The following RBFOX1 variants were observed in gnomAD, a reference collection of about 807,000 sequenced individuals.
RBFOX1 encodes RNA binding fox-1 homolog 1, also known as RNA binding protein fox-1 homolog 1.
Under a neutral mutation model 57.7 loss-of-function variants are expected in RBFOX1, and 8 were observed. The observed-to-expected ratio is 0.14, with a 90% CI of 0.08 to 0.25. The LOEUF is 0.25. RBFOX1 is among the 10% of genes least tolerant of loss of function. The probability of loss-of-function intolerance (pLI) is 1.00; values close to 1 mark genes in which losing one functional copy is unlikely to be tolerated. For synonymous variants in RBFOX1, 326 were observed against 222.4 expected (o/e 1.47, Z -4.15); for missense variants, 611 against 548.5 (o/e 1.11, Z -1.14).
At chr16:5,669,046 C>T (rs553445912) in intron 3 of RBFOX1, among the ~76,000 whole-genome samples, 16 of 152,226 alleles carry the variant, frequency 1.1e-4, no homozygotes, top group South Asian at 8.3e-4. Flanking sequence ...GTCTGAGCAC[C>T]CACATAATGG....
At chr16:7,417,596 C>G (rs994980152) in intron 4 of RBFOX1, among the ~76,000 whole-genome samples, 1 of 151,658 alleles carries the variant, frequency 6.6e-6, no homozygotes, top group East Asian at 1.9e-4. Context: ...ATGTAGCCTC[C>G]TGTGATAGCC....
intron 4 of RBFOX1, among the ~76,000 whole-genome samples, chr16:5,887,303 A>C (rs1004249778): frequency 1.3e-5 from 2 of 152,200 alleles, no homozygotes; most frequent in Non-Finnish European, 2.9e-5. Context: ...AGTGAATGTA[A>C]CAACTAGAAA....
At chr16:6,921,827 C>T (rs1333444053) in intron 3 of RBFOX1, among the ~76,000 whole-genome samples, 1 of 151,934 alleles carries the variant, frequency 6.6e-6, no homozygotes, top group Non-Finnish European at 1.5e-5. Context: ...CTTTCCATCA[C>T]TTCTGCTGCA....
At chr16:5,309,986 C>G (rs1222280048) in intron 1 of RBFOX1, among the ~76,000 whole-genome samples, 1 of 152,190 alleles carries the variant, frequency 6.6e-6, no homozygotes, top group African/African-American at 2.4e-5. Flanking sequence ...ACACTGTGAA[C>G]TGACAGGGAG....
At chr16:6,824,848 C>T (rs959738679) in intron 3 of RBFOX1, among the ~76,000 whole-genome samples, 2 of 151,814 alleles carry the variant, frequency 1.3e-5, no homozygotes, top group Non-Finnish European at 1.5e-5. Flanking sequence ...TGGAAAGAAA[C>T]ACTATTAACA....
chr16:5,366,624 G>T, intron 1 of RBFOX1: 1 of 410,444 alleles, frequency 2.4e-6, no homozygotes, highest in South Asian at 2.0e-5. Context: ...ATTATGTGAA[G>T]AATTGCTTCT....
At chr16:6,145,520 A>G (rs909527527) in intron 1 of RBFOX1, among the ~76,000 whole-genome samples, 4 of 152,160 alleles carry the variant, frequency 2.6e-5, no homozygotes, top group African/African-American at 7.2e-5. Context: ...TCTTTGTATT[A>G]TAATGATTTC....
At chr16:7,143,414 C>A (rs902846587) in intron 4 of RBFOX1, among the ~76,000 whole-genome samples, 1 of 152,014 alleles carries the variant, frequency 6.6e-6, no homozygotes, top group Non-Finnish European at 1.5e-5. Context: ...TGTGAGATTT[C>A]TTTATTAGTC....
intron 3 of RBFOX1, among the ~76,000 whole-genome samples, chr16:6,940,468 G>T (rs577647927): frequency 3.6e-4 from 55 of 152,308 alleles, no homozygotes; most frequent in Non-Finnish European, 6.9e-4. Context: ...AGTGAGTGAT[G>T]ACAATGATAA....
rs550275460 is a variant in RBFOX1, at chr16:6,367,189, A to G, written c.-64+50132A>G. 7.2e-5 allele frequency among the ~76,000 whole-genome samples: 11 copies of G among 152,344 alleles called. No individual in the cohort carries two copies. The South Asian group carries it at 2.3e-3, about 32-fold the overall frequency. On this transcript the variant is annotated intron_variant, in intron 2 of 15. Coordinates refer to ENST00000550418, the MANE Select transcript of RBFOX1 (RefSeq NM_018723.4). ...AGCACGTGGAACACATACACAGGTTATGCTGAATTGTAAGCTGGACATTAT... is the reference window on the plus strand; with the variant it reads ...AGCACGTGGAACACATACACAGGTTGTGCTGAATTGTAAGCTGGACATTAT...
rs1413706216 is a variant in RBFOX1, at chr16:7,528,999, C to G, written c.270+10610C>G. On this transcript the variant is annotated intron_variant, in intron 5 of 15. Coordinates refer to ENST00000550418, the MANE Select transcript of RBFOX1 (RefSeq NM_018723.4). ...GAAGGCCAGGCACAGTGGCTCACAT[C>G]TGTAATCCCAGCACTTTGGGAGGCC... 2.0e-5 allele frequency among the ~76,000 whole-genome samples: 3 copies of G among 152,236 alleles called. No homozygotes were observed. The East Asian group carries it at 5.8e-4, about 29-fold the overall frequency.
chr16:5,562,228 G>T (rs1203232076), intron 2 of RBFOX1, among the ~76,000 whole-genome samples: 1 of 152,162 alleles, frequency 6.6e-6, no homozygotes. Context: ...GACACCATCC[G>T]TGGCAAAGTG....
chr16:7,204,738 T>G (rs2089549447), intron 4 of RBFOX1, among the ~76,000 whole-genome samples: 1 of 152,204 alleles, frequency 6.6e-6, no homozygotes, highest in African/African-American at 2.4e-5. Context: ...CGAGGCTTCC[T>G]TCATCTCCTT....
intron 2 of RBFOX1, among the ~76,000 whole-genome samples, chr16:5,500,392 C>G (rs1401917668): frequency 1.3e-5 from 2 of 151,944 alleles, no homozygotes; most frequent in Non-Finnish European, 2.9e-5. Context: ...CTGGCTAATT[C>G]TTTAATTTTC....
chr16:6,733,744 C>T (rs373971496), intron 3 of RBFOX1, among the ~76,000 whole-genome samples: 28 of 151,418 alleles, frequency 1.8e-4, no homozygotes, highest in East Asian at 3.9e-4. Flanking sequence ...GGCGAAAGAG[C>T]GAGACCCTGC....
chr16:5,479,906 A>T (rs574157861), intron 2 of RBFOX1, among the ~76,000 whole-genome samples: 1 of 152,120 alleles, frequency 6.6e-6, no homozygotes, highest in East Asian at 1.9e-4. Flanking sequence ...AGTGGCACAG[A>T]CTGGTCTTCA....
intron 4 of RBFOX1, among the ~76,000 whole-genome samples, chr16:5,989,103 G>A (rs1002314897): frequency 9.2e-5 from 14 of 151,504 alleles, no homozygotes; most frequent in African/African-American, 3.4e-4. Flanking sequence ...GGTGGATCAC[G>A]AGGTCAAGGG....
intron 4 of RBFOX1, among the ~76,000 whole-genome samples, chr16:7,151,314 A>C (rs1046656367): frequency 1.3e-4 from 20 of 152,174 alleles, no homozygotes; most frequent in Admixed American, 1.2e-3. Context: ...CCAAATTCCA[A>C]CGTATTTAAA....
intron 4 of RBFOX1, among the ~76,000 whole-genome samples, chr16:7,416,413 T>C (rs1455715659): frequency 6.6e-6 from 1 of 152,126 alleles, no homozygotes; most frequent in Non-Finnish European, 1.5e-5. Flanking sequence ...ACTGATATGA[T>C]TGAGTGCCTG....
Sources: allele counts gnomAD v4.1 joint callset (sites outside exome capture counted in the v4.1 genomes callset), GRCh38; gene constraint gnomAD v4.1.1; transcripts MANE v1.5; gene names NCBI Gene and HGNC (gene_info 2026-07-23, HGNC 2026-07-21).